Variants in SART1 observed in about 807,000 individuals in gnomAD.
The protein encoded by SART1 is U4/U6.U5 tri-snRNP-associated protein 1.
Under a neutral mutation model 105.0 loss-of-function variants are expected in SART1, and 28 were observed. The ratio of observed to expected loss-of-function variants is 0.27; its 90% CI spans 0.20 to 0.37. SART1 has a LOEUF of 0.37. SART1 is among the 10% of genes least tolerant of loss of function. SART1 has a pLI of 1.00. For missense variants in SART1, 894 were observed against 1,106.5 expected (o/e 0.81, Z 2.72); for synonymous variants, 472 against 462.9 (o/e 1.02, Z -0.25).
chr11:65,972,081 C>T (rs546286061), intron 12 of SART1, among the ~76,000 whole-genome samples: 12 of 152,112 alleles, frequency 7.9e-5, no homozygotes, highest in African/African-American at 1.2e-4. Context: ...TTAGGGGTTA[C>T]ACAATTCCTA....
chr11:65,971,762 C>T (rs905312034), intron 12 of SART1, among the ~76,000 whole-genome samples: 3 of 151,958 alleles, frequency 2.0e-5, no homozygotes, highest in Non-Finnish European at 4.4e-5. Flanking sequence ...CTGTTGATTT[C>T]CCCCTGAGTC....
chr11:65,978,996 C>T lies in SART1; in HGVS notation c.2385-16C>T, dbSNP rs1855538507. 3 of 1,614,042 alleles carry T rather than the reference C, an allele frequency of 1.9e-6. No homozygotes were observed. Among genetic ancestry groups the T allele is most frequent in the African/African-American group, 1.3e-5 (1 of 74,926 alleles). On this transcript the variant is annotated splice_polypyrimidine_tract_variant and intron_variant, in intron 19 of 19. Transcript: ENST00000312397. This position sits in a 1 kb window ranked among gnomAD's most constrained non-coding sequence, Gnocchi z 6.8. Reference sequence around the variant, plus strand: ...TGCCCGCCTCTGCAGCCTCACGCCCCTGTTCTTCTCTGCAGGAACACCATC... The same window carrying T: ...TGCCCGCCTCTGCAGCCTCACGCCCTTGTTCTTCTCTGCAGGAACACCATC...
At position 65,967,767 on chromosome 11, in the gene SART1, A is replaced by T; in HGVS notation, c.1518A>T (p.Gly506=). The stretch of plus-strand genomic sequence containing the variant: ...AGCTGCAGAAGCAGCTGGAGAAGGG[A>T]CGCCGGCTGCGACAGTTACAGCAGC... ...ELELQKQLEK[G]RRLRQLQQLQ... is the part of the protein sequence containing the mutation. Residue 506 remains glycine (G), a synonymous_variant, in exon 12 of 20, where the codon GGA becomes GGT. Transcript: ENST00000312397. 6.4e-7 allele frequency: 1 copy of T among 1,550,542 alleles called. No individual in the cohort carries two copies. Among genetic ancestry groups the T allele is most frequent in the Non-Finnish European group, 8.7e-7 (1 of 1,147,474 alleles).
intron 17 of SART1, 99 bp downstream of exon 17, chr11:65,977,998 G>C: frequency 1.5e-6 from 2 of 1,326,342 alleles, no homozygotes; most frequent in Non-Finnish European, 2.1e-6. Context: ...CCAGGGTCCT[G>C]GCTCCACCAG....
intron 9 of SART1, 130 bp from the exon 10 acceptor site, chr11:65,967,129 C>T (rs1368280746): frequency 7.6e-7 from 1 of 1,319,474 alleles, no homozygotes; most frequent in Non-Finnish European, 1.0e-6. Context: ...CCACATGTTG[C>T]TCATGTGTGG....
In SART1 at chr11:65,978,879, C is replaced by T; in HGVS notation, c.2349C>T (p.Tyr783=). The T allele has an allele frequency of 1.9e-6, 3 of 1,614,042 alleles. No homozygotes were observed. Among genetic ancestry groups the T allele is most frequent in the East Asian group, 4.5e-5 (2 of 44,868 alleles). The change falls in exon 19 of 20, where the codon TAC becomes TAT. Residue 783 remains tyrosine, a synonymous_variant. Coordinates refer to ENST00000312397, the MANE Select transcript of SART1 (RefSeq NM_005146.5). The surrounding 1 kb of genome is among the most constrained non-coding windows in gnomAD (Gnocchi z 6.8). ...QEKQKAQKTP[Y]IVLSGSGKSM... ...AGCAGAAGGCTCAGAAGACCCCCTA[C>T]ATCGTGCTCAGCGGCAGCGGCAAGA...
At chr11:65,962,193 G>A (rs1180533566) in intron 1 of SART1, 100 bp downstream of exon 1, 1 of 908,650 alleles carries the variant, frequency 1.1e-6, no homozygotes. Context: ...TTCAGGCCAG[G>A]AAACCCCCAA....
In SART1 at chr11:65,978,715, G is replaced by C. The variant is rs1855532793; in HGVS notation, c.2262+26G>C. On this transcript the variant is annotated intron_variant, in intron 18 of 19. Transcript: ENST00000312397. The surrounding 1 kb of genome is among the most constrained non-coding windows in gnomAD (Gnocchi z 6.8). Reference sequence around the variant, plus strand: ...GTGGGTGCCCTTGGGGATGTGGGGGGCCCTGTGCCTGCCGGGGCAGGGGTG... The same window carrying C: ...GTGGGTGCCCTTGGGGATGTGGGGGCCCCTGTGCCTGCCGGGGCAGGGGTG... 2 of 1,613,338 alleles carry C rather than the reference G, an allele frequency of 1.2e-6. No homozygotes were observed. Among genetic ancestry groups the C allele is most frequent in the Non-Finnish European group, 1.7e-6 (2 of 1,179,652 alleles).
At position 65,976,258 on chromosome 11, in the gene SART1, G is replaced by T. The variant is rs757187664; in HGVS notation, c.1573-137G>T. The T allele has an allele frequency of 7.5e-6, 6 of 795,932 alleles. No individual in the cohort carries two copies. In the African/African-American group the frequency reaches 8.7e-5, roughly 12 times the overall value. The allele number at this position is 795,932 out of a possible 1,614,324, so 49.3% of individuals were successfully genotyped here. On this transcript the variant is annotated intron_variant, in intron 12 of 19. Coordinates refer to ENST00000312397, the MANE Select transcript of SART1 (RefSeq NM_005146.5). The surrounding 1 kb of genome is among the most constrained non-coding windows in gnomAD (Gnocchi z 5.1). ...AAGAGGTGCAGAGTGGAGTTAGGCG[G>T]CAGATAGCAGCTGGGCCTGCATGGG...
chr11:65,975,857 C>T (rs1855470384), intron 12 of SART1, among the ~76,000 whole-genome samples: 1 of 151,996 alleles, frequency 6.6e-6, no homozygotes. Context: ...GCAGAGGGTG[C>T]TGGTGCCCGT....
intron 12 of SART1, among the ~76,000 whole-genome samples, chr11:65,970,267 C>T (rs930289660): frequency 3.3e-5 from 5 of 152,174 alleles, no homozygotes; most frequent in Non-Finnish European, 5.9e-5. Flanking sequence ...GCCACACTGC[C>T]CTAACAAGCC....
At position 65,977,474 on chromosome 11, in the gene SART1, G is replaced by T; in HGVS notation, c.1946-89G>T. 4 of 1,067,270 alleles carry T rather than the reference G, an allele frequency of 3.7e-6. No homozygotes were observed. In the Admixed American group the frequency reaches 7.2e-5, roughly 19 times the overall value. 66.1% of individuals were successfully genotyped at this position (1,067,270 alleles called of 1,614,324 possible). A position where few individuals can be genotyped will look rare whatever the true frequency, so the allele number is the denominator to read the frequency against. On this transcript the variant is annotated intron_variant, in intron 15 of 19. Coordinates refer to ENST00000312397, the MANE Select transcript of SART1 (RefSeq NM_005146.5). ...TTTCCAGAGGCAAGGAAAGGGAGGTGCCCCCACAGGGCCTGCTCTGCCTTC... is the reference window on the plus strand; with the variant it reads ...TTTCCAGAGGCAAGGAAAGGGAGGTTCCCCCACAGGGCCTGCTCTGCCTTC...
Position 65,965,719 on chromosome 11 carries a change from G to T in SART1, c.678G>T (p.Glu226Asp). Residue 226 changes from glutamate (E) to aspartate (D), a missense_variant, in exon 6 of 20, where the codon GAG becomes GAT. Around this residue, in one of 2 missense-constraint regions of SART1, gnomAD observed 712 missense variants for 778.2 expected, o/e 0.91. Coordinates refer to ENST00000312397, the MANE Select transcript of SART1 (RefSeq NM_005146.5). ...LAEKRAKLLE[E>D]MDQEFGVSTL... ...TCCCGTAGGCCAAGTTACTGGAGGAGATGGACCAAGAGTTTGGTGTCAGCA... is the reference window on the plus strand; with the variant it reads ...TCCCGTAGGCCAAGTTACTGGAGGATATGGACCAAGAGTTTGGTGTCAGCA... 2 of 1,614,020 alleles carry T rather than the reference G, an allele frequency of 1.2e-6. No homozygotes were observed. Among genetic ancestry groups the T allele is most frequent in the Non-Finnish European group, 1.7e-6 (2 of 1,179,988 alleles).
intron 12 of SART1, among the ~76,000 whole-genome samples, chr11:65,972,038 A>T (rs1439284420): frequency 6.6e-6 from 1 of 152,040 alleles, no homozygotes; most frequent in Admixed American, 6.6e-5. Flanking sequence ...GTCCACATAC[A>T]GTCATTGGGG....
rs751749145 is a variant in SART1 at position 65,979,061 on chromosome 11, C to T, written c.*31C>T. 6.2e-7 allele frequency: 1 copy of T among 1,613,916 alleles called. No individual in the cohort carries two copies. The highest frequency in any genetic ancestry group is 8.5e-7 in the Non-Finnish European group (1 of 1,179,822). On this transcript the variant is annotated 3_prime_UTR_variant, in exon 20 of 20. Coordinates refer to ENST00000312397, the MANE Select transcript of SART1 (RefSeq NM_005146.5). The stretch of plus-strand genomic sequence containing the variant: ...CCCTCCCGCCCCGGCCCTGCCTCAA[C>T]CTTCATATTAAATAAAGCTCCCTCC...
At chr11:65,965,240 A>G (rs1855224367) in intron 4 of SART1, 22 bp downstream of exon 4, 1 of 1,608,424 alleles carries the variant, frequency 6.2e-7, no homozygotes, top group Non-Finnish European at 8.5e-7. Context: ...TGGCCAGGGC[A>G]GGCAAGGGAA....
chr11:65,963,021 C>T lies in SART1; in HGVS notation c.313+928C>T, dbSNP rs552043086. On this transcript the variant is annotated intron_variant, in intron 1 of 19. Coordinates refer to ENST00000312397, the MANE Select transcript of SART1 (RefSeq NM_005146.5). ...GGAGATAGTTCACTTTTGGGGTTGT[C>T]AAGGTTGATGGTAATGGGGAAATCC... is the stretch of plus-strand genomic sequence containing the variant. Among the ~76,000 whole-genome samples the T allele has an allele frequency of 2.6e-5, 4 of 151,760 alleles. No individual in the cohort carries two copies. The South Asian group carries it at 8.4e-4, about 32-fold the overall frequency.
rs1382737675 is a variant in SART1, at chr11:65,976,803, G to T, written c.1857+37G>T. On this transcript the variant is annotated intron_variant, in intron 14 of 19. Coordinates refer to ENST00000312397, the MANE Select transcript of SART1 (RefSeq NM_005146.5). The surrounding 1 kb of genome is among the most constrained non-coding windows in gnomAD (Gnocchi z 5.1). Reference sequence around the variant, plus strand: ...GCCGCTGGGGGGTGGGCGTTTGGGGGTGCTCAAGCTGGAGATGAGCACCGG... The same window carrying T: ...GCCGCTGGGGGGTGGGCGTTTGGGGTTGCTCAAGCTGGAGATGAGCACCGG... 3 of 1,537,154 alleles carry T rather than the reference G, an allele frequency of 2.0e-6. No homozygotes were observed. Among genetic ancestry groups the T allele is most frequent in the Admixed American group, 3.8e-5 (2 of 52,602 alleles).
At chr11:65,964,944 C>G (rs1855216824) in intron 3 of SART1, 148 bp from the exon 4 acceptor site, 1 of 1,047,202 alleles carries the variant, frequency 9.5e-7, no homozygotes, top group Non-Finnish European at 1.3e-6. Flanking sequence ...AGTGTGGGGA[C>G]GAAGTGGGAG....
Sources: allele counts gnomAD v4.1 joint callset (sites outside exome capture counted in the v4.1 genomes callset), GRCh38; gene constraint gnomAD v4.1.1; regional missense constraint gnomAD v4.1.1; non-coding constraint Gnocchi (gnomAD v3.1); transcripts MANE v1.5; gene names NCBI Gene and HGNC (gene_info 2026-07-23, HGNC 2026-07-21).